The following SLC23A2 variants were observed in gnomAD, a reference collection of about 807,000 sequenced individuals.
SLC23A2 encodes the protein Na(+)/L-ascorbic acid transporter 2.
A neutral mutation model predicts 73.3 loss-of-function variants in SLC23A2; 36 were observed. The ratio of observed to expected loss-of-function variants is 0.49; its 90% CI spans 0.38 to 0.65. The LOEUF (loss-of-function observed/expected upper bound fraction) is 0.65. SLC23A2 is among the 30% of genes least tolerant of loss of function. The probability of loss-of-function intolerance (pLI) is 0.00; values close to 1 mark genes in which losing one functional copy is unlikely to be tolerated. For synonymous variants in SLC23A2, 343 were observed against 327.3 expected (o/e 1.05, Z -0.52); for missense variants, 507 against 841.6 (o/e 0.60, Z 4.92).
At chr20:4,992,800 G>A (rs113321431) in intron 1 of SLC23A2, among the ~76,000 whole-genome samples, 52,144 of 151,106 alleles carry the variant, frequency 0.35, 9,633 homozygotes, top group Admixed American at 0.41. Context: ...ATGAGCCACC[G>A]CGCTTGGCCA....
intron 2 of SLC23A2, among the ~76,000 whole-genome samples, chr20:4,953,473 G>A (rs796429476): frequency 1.9e-4 from 29 of 152,066 alleles, no homozygotes; most frequent in African/African-American, 6.5e-4. Context: ...TTAGAGAAAC[G>A]AGGTTTTTTT....
At chr20:4,961,328 C>CGT (rs2087385181) in intron 2 of SLC23A2, among the ~76,000 whole-genome samples, 1 of 152,046 alleles carries the variant, frequency 6.6e-6, no homozygotes, top group Non-Finnish European at 1.5e-5. Context: ...ATGATCCGCC[C>CGT]ACCTTGGCCT....
chr20:4,883,701 G>C lies in SLC23A2; in HGVS notation c.765C>G (p.Gly255=). ...CCCCCGCTGCCTGGAAACCAGAGAG[G>C]CCAATTAGGGCCACCGTGGGTGTAA... ...LTITPTVALI[G]LSGFQAAGER... is the part of the protein sequence containing the mutation. The change falls in exon 9 of 17, where the codon GGC becomes GGG. Residue 255 remains glycine (G), a synonymous_variant. Transcript: ENST00000338244. The surrounding 1 kb of genome is among the most constrained non-coding windows in gnomAD (Gnocchi z 4.5). 6.2e-7 allele frequency: 1 copy of C among 1,613,930 alleles called. No individual in the cohort carries two copies. Among genetic ancestry groups the C allele is most frequent in the Non-Finnish European group, 8.5e-7 (1 of 1,179,876 alleles).
intron 2 of SLC23A2, among the ~76,000 whole-genome samples, chr20:4,964,642 C>T (rs115665385): frequency 0.013 from 1,962 of 152,016 alleles, 46 homozygotes; most frequent in African/African-American, 0.045. Flanking sequence ...CTGATAATCC[C>T]ATTTCAGTGT....
chr20:5,006,409 A>C (rs1252217212), upstream of SLC23A2, among the ~76,000 whole-genome samples: 1 of 151,860 alleles, frequency 6.6e-6, no homozygotes, highest in Non-Finnish European at 1.5e-5. Flanking sequence ...TATTGAGCAT[A>C]ATATTTTTAT....
intron 3 of SLC23A2, among the ~76,000 whole-genome samples, chr20:4,925,822 T>C (rs143364891): frequency 5.9e-5 from 9 of 152,296 alleles, no homozygotes; most frequent in African/African-American, 2.2e-4. Context: ...ACCTAGACAT[T>C]TTTTAGGAGT....
intron 1 of SLC23A2, among the ~76,000 whole-genome samples, chr20:4,977,134 T>C (rs1372884645): frequency 6.6e-6 from 1 of 152,104 alleles, no homozygotes; most frequent in Non-Finnish European, 1.5e-5. Flanking sequence ...TATGATAAAA[T>C]ACTACAGGGC....
chr20:4,935,475 C>T (rs1302037773), intron 2 of SLC23A2, among the ~76,000 whole-genome samples: 1 of 152,122 alleles, frequency 6.6e-6, no homozygotes, highest in Non-Finnish European at 1.5e-5. Flanking sequence ...ATCACTACAA[C>T]ACTGCAAAGT....
intron 13 of SLC23A2, among the ~76,000 whole-genome samples, chr20:4,865,457 A>G (rs1930155302): frequency 6.6e-6 from 1 of 152,224 alleles, no homozygotes; most frequent in Non-Finnish European, 1.5e-5. Flanking sequence ...CTACTGTTCT[A>G]GGCACTTGGG....
At chr20:4,887,714 T>C (rs1931158815) in intron 6 of SLC23A2, among the ~76,000 whole-genome samples, 2 of 152,152 alleles carry the variant, frequency 1.3e-5, no homozygotes, top group Admixed American at 1.3e-4. Flanking sequence ...TAGATGACGA[T>C]AGAAAAAGTC....
intron 6 of SLC23A2, among the ~76,000 whole-genome samples, chr20:4,890,639 C>T (rs1001498373): frequency 5.3e-5 from 8 of 151,746 alleles, no homozygotes; most frequent in African/African-American, 9.7e-5. Flanking sequence ...GGCAACAGAG[C>T]GAGACTCCAT....
chr20:4,862,233 G>C lies in SLC23A2; in HGVS notation c.1487-148C>G. The C allele has an allele frequency of 1.3e-6, 1 of 787,416 alleles. No individual in the cohort carries two copies. Among genetic ancestry groups the C allele is most frequent in the South Asian group, 1.8e-5 (1 of 55,292 alleles). 48.8% of individuals were successfully genotyped at this position (787,416 alleles called of 1,614,324 possible). The stretch of plus-strand genomic sequence containing the variant: ...AGGGACAGGAAGGGGGACGTGTGGG[G>C]TCAGACTGTAGCCACCCTGCGCTCT... On this transcript the variant is annotated intron_variant, in intron 14 of 16. Coordinates refer to ENST00000338244, the MANE Select transcript of SLC23A2 (RefSeq NM_005116.6). This position sits in a 1 kb window ranked among gnomAD's most constrained non-coding sequence, Gnocchi z 5.1.
intron 1 of SLC23A2, among the ~76,000 whole-genome samples, chr20:4,995,164 GA>G (rs1437033401): frequency 3.3e-5 from 5 of 152,028 alleles, no homozygotes; most frequent in Admixed American, 3.3e-4. Context: ...CCAGTGGGGG[GA>G]AAAAATGTGT....
intron 2 of SLC23A2, among the ~76,000 whole-genome samples, chr20:4,956,225 G>A (rs1337941174): frequency 6.6e-6 from 1 of 152,026 alleles, no homozygotes; most frequent in Non-Finnish European, 1.5e-5. Context: ...CATCATTTCT[G>A]TCTTTCCAGA....
upstream of SLC23A2, among the ~76,000 whole-genome samples, chr20:5,004,276 A>T (rs151165056): frequency 3.8e-4 from 58 of 152,314 alleles, no homozygotes; most frequent in Non-Finnish European, 4.7e-4. Flanking sequence ...TGCTACCAGA[A>T]ACTTCAAACT....
intron 1 of SLC23A2, among the ~76,000 whole-genome samples, chr20:4,988,331 G>T (rs1010296530): frequency 6.8e-6 from 1 of 147,188 alleles, no homozygotes; most frequent in African/African-American, 2.6e-5. Flanking sequence ...ACCGTGTGTG[G>T]TGGCTCACGC....
chr20:5,005,378 C>A (rs560193571), upstream of SLC23A2, among the ~76,000 whole-genome samples: 188 of 152,136 alleles, frequency 1.2e-3, no homozygotes, highest in Admixed American at 3.5e-3. Context: ...CTTTCTATTA[C>A]AGCTCATACA....
At chr20:4,924,480 T>C (rs1932605465) in intron 3 of SLC23A2, among the ~76,000 whole-genome samples, 4 of 152,210 alleles carry the variant, frequency 2.6e-5, no homozygotes, top group Admixed American at 2.6e-4. Flanking sequence ...TCAGCACACC[T>C]GTCCTAGGGC....
At position 4,863,728 on chromosome 20, in the gene SLC23A2, C is replaced by T. The variant is rs1930079437; in HGVS notation, c.1357-821G>A. ...CCACTTCTCAGGCTCTTTCCAAGCACACCAGGCAGGCCTGGGCCTGTCTAC... is the reference window on the plus strand; with the variant it reads ...CCACTTCTCAGGCTCTTTCCAAGCATACCAGGCAGGCCTGGGCCTGTCTAC... On this transcript the variant is annotated intron_variant, in intron 13 of 16. Transcript: ENST00000338244. This position sits in a 1 kb window ranked among gnomAD's most constrained non-coding sequence, Gnocchi z 4.8. 6.6e-6 allele frequency among the ~76,000 whole-genome samples: 1 copy of T among 152,152 alleles called. No individual in the cohort carries two copies. The highest frequency in any genetic ancestry group is 1.5e-5 in the Non-Finnish European group (1 of 68,012).
Sources: gnomAD v4.1 joint callset for allele counts (sites outside exome capture counted in the v4.1 genomes callset) on GRCh38, gnomAD v4.1.1 for gene constraint, Gnocchi (gnomAD v3.1) non-coding constraint, MANE v1.5 for transcripts, NCBI Gene and HGNC (gene_info 2026-07-23, HGNC 2026-07-21) for gene names.